Variants in PTPRM observed in about 807,000 individuals in gnomAD.
PTPRM encodes protein tyrosine phosphatase receptor type M.
PTPRM carries 47 observed loss-of-function variants against 186.7 expected under a neutral mutation model. The observed-to-expected ratio is 0.25, with a 90% CI of 0.20 to 0.32. The LOEUF (loss-of-function observed/expected upper bound fraction) is 0.32. Among genes scored for constraint, PTPRM ranks in the 10% least tolerant of loss-of-function variants. The probability of loss-of-function intolerance (pLI) is 1.00; values close to 1 mark genes in which losing one functional copy is unlikely to be tolerated. For missense variants in PTPRM, 1,494 were observed against 1,865.0 expected (o/e 0.80, Z 3.66); for synonymous variants, 668 against 674.9 (o/e 0.99, Z 0.16).
At chr18:7,610,516 G>A (rs543192050) in intron 1 of PTPRM, among the ~76,000 whole-genome samples, 1 of 152,262 alleles carries the variant, frequency 6.6e-6, no homozygotes, top group East Asian at 1.9e-4. Flanking sequence ...TACAGACTAG[G>A]AGACAGGCTG....
chr18:8,371,388 T>C (rs8096004), intron 24 of PTPRM, among the ~76,000 whole-genome samples: 3,749 of 152,320 alleles, frequency 0.025, 63 homozygotes, highest in African/African-American at 0.049. Flanking sequence ...ATATGCATTT[T>C]CCAGTAGGGA....
chr18:8,005,462 A>G (rs948778), intron 7 of PTPRM, among the ~76,000 whole-genome samples: 3,774 of 152,254 alleles, frequency 0.025, 150 homozygotes, highest in African/African-American at 0.087. Context: ...TTTTCAAACT[A>G]CTTTTACATA....
At chr18:8,343,825 T>G (rs1430608640) in intron 23 of PTPRM, among the ~76,000 whole-genome samples, 10 of 151,464 alleles carry the variant, frequency 6.6e-5, no homozygotes, top group African/African-American at 2.2e-4. Context: ...GTGTCAAAAC[T>G]CAATGGGTGC....
chr18:7,798,891 G>T (rs1307845085), intron 2 of PTPRM, among the ~76,000 whole-genome samples: 1 of 152,040 alleles, frequency 6.6e-6, no homozygotes, highest in Non-Finnish European at 1.5e-5. Flanking sequence ...ATGTATCTGG[G>T]CTCCTCATTC....
At chr18:8,378,626 C>T (rs2095711325) in intron 27 of PTPRM, among the ~76,000 whole-genome samples, 1 of 152,060 alleles carries the variant, frequency 6.6e-6, no homozygotes, top group South Asian at 2.1e-4. Flanking sequence ...CCAGGTGTCC[C>T]CCTGGGGGAC....
intron 14 of PTPRM, among the ~76,000 whole-genome samples, chr18:8,238,510 AT>A (rs1180650166): frequency 6.6e-6 from 1 of 152,008 alleles, no homozygotes; most frequent in African/African-American, 2.4e-5. Flanking sequence ...CTTGCATGCT[AT>A]CTACTTTATC....
At chr18:7,764,612 C>T (rs149737786) in intron 1 of PTPRM, among the ~76,000 whole-genome samples, 6 of 152,270 alleles carry the variant, frequency 3.9e-5, no homozygotes, top group East Asian at 1.9e-4. Context: ...CTCTGGCTGC[C>T]GGGCCCAACC....
intron 2 of PTPRM, among the ~76,000 whole-genome samples, chr18:7,816,053 G>A (rs2044806457): frequency 6.6e-6 from 1 of 152,158 alleles, no homozygotes. Flanking sequence ...AGTGATATGT[G>A]CCTTAGGTCC....
intron 7 of PTPRM, among the ~76,000 whole-genome samples, chr18:7,969,034 C>T (rs1334300913): frequency 7.9e-5 from 5 of 63,286 alleles, no homozygotes; most frequent in Non-Finnish European, 1.2e-4. Flanking sequence ...ACACCTATTC[C>T]AAAATTGACC....
At chr18:7,737,096 G>A (rs1428656765) in intron 1 of PTPRM, among the ~76,000 whole-genome samples, 3 of 151,970 alleles carry the variant, frequency 2.0e-5, no homozygotes, top group East Asian at 1.9e-4. Context: ...GAGCCACCAC[G>A]CCCAGCCCCA....
chr18:7,952,142 TATTTC>T (rs1455417719), intron 6 of PTPRM, among the ~76,000 whole-genome samples: 1 of 152,258 alleles, frequency 6.6e-6, no homozygotes, highest in Non-Finnish European at 1.5e-5. Flanking sequence ...TATGTAAACA[TATTTC>T]ATACAGTTAA....
chr18:8,308,180 A>G (rs2095240994), intron 20 of PTPRM, among the ~76,000 whole-genome samples: 1 of 152,256 alleles, frequency 6.6e-6, no homozygotes, highest in East Asian at 1.9e-4. Flanking sequence ...GGCAGCCCTC[A>G]GAAACAGAAG....
intron 1 of PTPRM, among the ~76,000 whole-genome samples, chr18:7,743,448 C>T (rs1429530997): frequency 6.6e-6 from 1 of 152,006 alleles, no homozygotes; most frequent in Non-Finnish European, 1.5e-5. Context: ...TCAATTTGTT[C>T]CTAAGTGTTT....
chr18:8,404,780 TG>T (rs2095893786), intron 32 of PTPRM: 1 of 152,268 alleles, frequency 6.6e-6, no homozygotes, highest in African/African-American at 2.4e-5. Context: ...GCTAAGGCTC[TG>T]TCCAGGGCCG....
intron 2 of PTPRM, among the ~76,000 whole-genome samples, chr18:7,868,616 T>C (rs2047831382): frequency 6.6e-6 from 1 of 152,122 alleles, no homozygotes; most frequent in Admixed American, 6.5e-5. Flanking sequence ...GGAGCTCTCC[T>C]ATGTGAGGTG....
At chr18:8,397,834 G>T (rs1290257315) in intron 32 of PTPRM, among the ~76,000 whole-genome samples, 1 of 152,126 alleles carries the variant, frequency 6.6e-6, no homozygotes, top group Non-Finnish European at 1.5e-5. Context: ...ACATAGAAAT[G>T]GTCTTCAAGG....
intron 11 of PTPRM, among the ~76,000 whole-genome samples, chr18:8,108,692 T>C (rs2091630240): frequency 6.6e-6 from 1 of 152,214 alleles, no homozygotes; most frequent in Non-Finnish European, 1.5e-5. Context: ...TTCATTCTCC[T>C]TGTAAAGGCC....
intron 13 of PTPRM, chr18:8,121,765 G>C (rs559436520): frequency 6.6e-6 from 1 of 152,228 alleles, no homozygotes; most frequent in East Asian, 1.9e-4. Flanking sequence ...CTTTACAAAA[G>C]GGATTTAGTA....
intron 1 of PTPRM, among the ~76,000 whole-genome samples, chr18:7,679,853 T>A (rs2039439149): frequency 1.3e-5 from 2 of 151,818 alleles, no homozygotes; most frequent in Non-Finnish European, 2.9e-5. Flanking sequence ...GACAATAGAC[T>A]TTTTTTGAAA....
Sources: allele counts gnomAD v4.1 joint callset (sites outside exome capture counted in the v4.1 genomes callset), GRCh38; gene constraint gnomAD v4.1.1; transcripts MANE v1.5; gene names NCBI Gene and HGNC (gene_info 2026-07-23, HGNC 2026-07-21).